PPP1R12B: variants seen among roughly 807,000 people sequenced by gnomAD.
PPP1R12B encodes protein phosphatase 1 regulatory subunit 12B.
PPP1R12B carries 76 observed loss-of-function variants against 126.1 expected under a neutral mutation model. The ratio of observed to expected loss-of-function variants is 0.60; its 90% confidence interval spans 0.50 to 0.73. The LOEUF (loss-of-function observed/expected upper bound fraction) is 0.73, where lower values mean the gene tolerates loss of function less well. Ranked by LOEUF, PPP1R12B falls within the 30% of genes least tolerant of loss-of-function variation. PPP1R12B has a pLI of 0.00. For missense variants in PPP1R12B, 1,052 were observed against 1,205.1 expected, an observed-to-expected ratio of 0.87 and a Z score of 1.88; for synonymous variants, 356 against 434.7, an observed-to-expected ratio of 0.82 and a Z score of 2.25.
chr1:202,439,686 G>A, intron 10 of PPP1R12B: 1 of 635,944 alleles, frequency 1.6e-6, no homozygotes, highest in East Asian at 2.8e-5. Context: ...CAAGTTGGAG[G>A]CAGCAAGGAC....
chr1:202,377,330 T>A (rs2148472697), intron 1 of PPP1R12B, among the ~76,000 whole-genome samples: 1 of 148,638 alleles, frequency 6.7e-6, no homozygotes, highest in East Asian at 1.9e-4. Flanking sequence ...TTTTTTTTTT[T>A]TTCGCTCTGT....
At chr1:202,555,363 G>A (rs1450447027) in intron 18 of PPP1R12B, among the ~76,000 whole-genome samples, 1 of 59,984 alleles carries the variant, frequency 1.7e-5, no homozygotes, top group African/African-American at 5.3e-5. Flanking sequence ...AGCTTGTTTC[G>A]TCACCATAGA....
chr1:202,393,795 T>G (rs1239795077), intron 1 of PPP1R12B, among the ~76,000 whole-genome samples: 1 of 152,162 alleles, frequency 6.6e-6, no homozygotes, highest in African/African-American at 2.4e-5. Flanking sequence ...GCATGATGGC[T>G]CACTCCTGTA....
intron 13 of PPP1R12B, among the ~76,000 whole-genome samples, chr1:202,479,341 A>T (rs1272342272): frequency 6.6e-6 from 1 of 152,222 alleles, no homozygotes; most frequent in South Asian, 2.1e-4. Flanking sequence ...GATAAATATA[A>T]GAAAAAAGTT....
At chr1:202,433,859 A>G (rs1234723628) in intron 8 of PPP1R12B, among the ~76,000 whole-genome samples, 1 of 152,100 alleles carries the variant, frequency 6.6e-6, no homozygotes, top group Non-Finnish European at 1.5e-5. Context: ...AGCACTCATC[A>G]TTTTGGCTGG....
At chr1:202,467,331 G>A (rs922606636) in intron 13 of PPP1R12B, among the ~76,000 whole-genome samples, 2 of 150,558 alleles carry the variant, frequency 1.3e-5, no homozygotes, top group African/African-American at 4.9e-5. Context: ...CCATTAATTC[G>A]TCATTTAGCA....
chr1:202,495,542 G>A, intron 16 of PPP1R12B, 28 bp from the exon 17 acceptor site: 1 of 1,612,924 alleles, frequency 6.2e-7, no homozygotes, highest in South Asian at 1.1e-5. Context: ...GATTCTTAAA[G>A]TTCATACTTT....
chr1:202,526,285 G>A (rs749186764), intron 18 of PPP1R12B, among the ~76,000 whole-genome samples: 6 of 152,336 alleles, frequency 3.9e-5, no homozygotes, highest in African/African-American at 7.2e-5. Context: ...AGCAAGACCA[G>A]CAGCCAAGAA....
rs771202113 is a variant in PPP1R12B at position 202,425,711 on chromosome 1, C to T, written c.687C>T (p.Tyr229=). The T allele has an allele frequency of 3.7e-6, 6 of 1,613,630 alleles. No individual in the cohort carries two copies. The highest frequency in any genetic ancestry group is 5.1e-6 in the Non-Finnish European group (6 of 1,179,736). ...TALHVAAAKG[Y]SEVLRLLIQA... Reference sequence around the variant, plus strand: ...TTCATGTGGCTGCTGCCAAGGGCTACTCTGAAGTCCTCAGGTATTGTCCAT... The same window carrying T: ...TTCATGTGGCTGCTGCCAAGGGCTATTCTGAAGTCCTCAGGTATTGTCCAT... The change falls in exon 4 of 24, where the codon TAC becomes TAT. Residue 229 remains tyrosine, a synonymous_variant. Coordinates refer to ENST00000608999, the MANE Select transcript of PPP1R12B (RefSeq NM_002481.4).
intron 1 of PPP1R12B, among the ~76,000 whole-genome samples, chr1:202,385,410 A>G (rs763407479): frequency 2.0e-5 from 3 of 152,208 alleles, no homozygotes; most frequent in Non-Finnish European, 4.4e-5. Flanking sequence ...TCTAAATTCA[A>G]CTTCAGATTC....
chr1:202,397,946 C>T (rs1665232183), intron 1 of PPP1R12B, among the ~76,000 whole-genome samples: 1 of 152,182 alleles, frequency 6.6e-6, no homozygotes, highest in Non-Finnish European at 1.5e-5. Context: ...GAGTCTTGCC[C>T]TGTCGCCCAG....
At position 202,508,999 on chromosome 1, in the gene PPP1R12B, A is replaced by T. The variant is rs2148889584; in HGVS notation, c.2490+12177A>T. Reference sequence around the variant, plus strand: ...GGAAAGCAGCCACAGACAATATGTAACTAAATGGGAGTGACTATGTTCCAA... The same window carrying T: ...GGAAAGCAGCCACAGACAATATGTATCTAAATGGGAGTGACTATGTTCCAA... On this transcript the variant is annotated intron_variant, in intron 18 of 23. Transcript: ENST00000608999. The surrounding 1 kb of genome is among the most constrained non-coding windows in gnomAD (Gnocchi z 4.5). 6.6e-6 allele frequency among the ~76,000 whole-genome samples: 1 copy of T among 152,382 alleles called. No individual in the cohort carries two copies. Among genetic ancestry groups the T allele is most frequent in the Non-Finnish European group, 1.5e-5 (1 of 68,036 alleles).
intron 1 of PPP1R12B, among the ~76,000 whole-genome samples, chr1:202,360,624 G>A (rs1029721802): frequency 1.3e-5 from 2 of 151,576 alleles, no homozygotes; most frequent in African/African-American, 2.4e-5. Flanking sequence ...CAGGAGAATC[G>A]CTTGTACCTG....
chr1:202,443,213 C>T, intron 12 of PPP1R12B: 11 of 681,714 alleles, frequency 1.6e-5, no homozygotes, highest in Non-Finnish European at 1.8e-5. Context: ...AACCAGGCAC[C>T]TTTGCCAGAG....
At chr1:202,566,960 C>T (rs913624219) in intron 21 of PPP1R12B, among the ~76,000 whole-genome samples, 9 of 152,188 alleles carry the variant, frequency 5.9e-5, no homozygotes, top group African/African-American at 9.7e-5. Context: ...AGTTCTATGA[C>T]CCTAAGGCCA....
rs1218186148 is a variant in PPP1R12B at position 202,580,542 on chromosome 1, C to T, written c.2931C>T (p.Ile977=). The T allele has an allele frequency of 3.7e-6, 6 of 1,613,550 alleles. No individual in the cohort carries two copies. The highest frequency in any genetic ancestry group is 3.3e-5 in the Admixed American group (2 of 60,014). Residue 977 remains isoleucine (I), a synonymous_variant, in exon 24 of 24, where the codon ATC becomes ATT. Transcript: ENST00000608999. ...KDENGALIRV[I]SKLSK ...AAAATGGTGCCCTCATCAGAGTCAT[C>T]AGCAAACTGTCCAAGTAGGCTAGGC...
chr1:202,465,176 A>C (rs1204128715), intron 13 of PPP1R12B, among the ~76,000 whole-genome samples: 1 of 152,188 alleles, frequency 6.6e-6, no homozygotes, highest in Non-Finnish European at 1.5e-5. Flanking sequence ...TAGGTTAAGG[A>C]ATCTGTCCAC....
chr1:202,580,648 A>G lies in PPP1R12B; in HGVS notation c.*88A>G. ...CAGTCCTTGCCTTCCAACCAAAAGA[A>G]ATGGATGTTTTGGTGGAAGGACACT... On this transcript the variant is annotated 3_prime_UTR_variant, in exon 24 of 24. Transcript: ENST00000608999. 20 of 1,105,594 alleles carry G rather than the reference A, an allele frequency of 1.8e-5. No individual in the cohort carries two copies. The highest frequency in any genetic ancestry group is 2.7e-5 in the Non-Finnish European group (20 of 727,688). The allele number at this position is 1,105,594 out of a possible 1,614,324, so 68.5% of individuals were successfully genotyped here. A position where few individuals can be genotyped will look rare whatever the true frequency, so the allele number is the denominator to read the frequency against.
chr1:202,456,143 C>T (rs1343365351), intron 13 of PPP1R12B, among the ~76,000 whole-genome samples: 1 of 151,874 alleles, frequency 6.6e-6, no homozygotes, highest in South Asian at 2.1e-4. Context: ...GTGATGCACG[C>T]CTGTAATCCC....
Sources: allele counts gnomAD v4.1 joint callset (sites outside exome capture counted in the v4.1 genomes callset), GRCh38; gene constraint gnomAD v4.1.1; non-coding constraint Gnocchi (gnomAD v3.1); transcripts MANE v1.5; gene names NCBI Gene and HGNC (gene_info 2026-07-23, HGNC 2026-07-21).